The following GLRA3 variants were observed in gnomAD, a reference collection of about 807,000 sequenced individuals.
GLRA3 encodes glycine receptor subunit alpha-3.
In GLRA3, 44 loss-of-function variants were observed where a neutral mutation model predicts 60.4. That is an observed-to-expected ratio of 0.73 (90% CI 0.57 to 0.94). The LOEUF is 0.94. GLRA3 is among the 40% of genes least tolerant of loss of function. The pLI, the probability that GLRA3 is intolerant of heterozygous loss-of-function variation, is 0.00. For synonymous variants in GLRA3, 223 were observed against 192.9 expected, an observed-to-expected ratio of 1.16 and a Z score of -1.29; for missense variants, 508 against 564.6, an observed-to-expected ratio of 0.90 and a Z score of 1.02.
At chr4:174,750,445 G>A (rs538214165) in intron 3 of GLRA3, among the ~76,000 whole-genome samples, 8 of 152,062 alleles carry the variant, frequency 5.3e-5, no homozygotes, top group South Asian at 2.1e-4. Flanking sequence ...ACATAGAAAC[G>A]GATTTAATAT....
intron 5 of GLRA3, among the ~76,000 whole-genome samples, chr4:174,706,327 A>C: frequency 6.6e-6 from 1 of 152,212 alleles, no homozygotes; most frequent in Non-Finnish European, 1.5e-5. Flanking sequence ...CATTTTAGGC[A>C]GAGAGAAGAG....
At chr4:174,683,181 C>T (rs559673974) in intron 5 of GLRA3, among the ~76,000 whole-genome samples, 1 of 152,184 alleles carries the variant, frequency 6.6e-6, no homozygotes, top group Middle Eastern at 3.4e-3. Context: ...TATACCATGG[C>T]ATGTCAAAAC....
intron 4 of GLRA3, among the ~76,000 whole-genome samples, chr4:174,719,801 T>C (rs1309598728): frequency 6.6e-6 from 1 of 152,182 alleles, no homozygotes; most frequent in Non-Finnish European, 1.5e-5. Flanking sequence ...AAGAAAAACA[T>C]ACACAATTAA....
intron 3 of GLRA3, among the ~76,000 whole-genome samples, chr4:174,735,584 G>A (rs1736749887): frequency 6.6e-6 from 1 of 152,030 alleles, no homozygotes; most frequent in Non-Finnish European, 1.5e-5. Context: ...TTTTTGAGAT[G>A]GAGCATGGCT....
At chr4:174,785,979 A>T (rs12513096) in intron 2 of GLRA3, among the ~76,000 whole-genome samples, 20,615 of 138,532 alleles carry the variant, frequency 0.15, 2,015 homozygotes, top group East Asian at 0.46. Context: ...GGTGTCTCAG[A>T]GCTGGTCTCA....
intron 3 of GLRA3, among the ~76,000 whole-genome samples, chr4:174,740,338 A>C (rs1736969507): frequency 6.6e-6 from 1 of 152,126 alleles, no homozygotes; most frequent in Non-Finnish European, 1.5e-5. Flanking sequence ...GCCATGTCAG[A>C]AGTTAGAAAC....
At chr4:174,678,742 C>T (rs749305898) in intron 6 of GLRA3, among the ~76,000 whole-genome samples, 1 of 151,836 alleles carries the variant, frequency 6.6e-6, no homozygotes, top group South Asian at 2.1e-4. Context: ...ATACAAAATG[C>T]CTAAAGATTC....
At chr4:174,758,103 C>T (rs1046044777) in intron 3 of GLRA3, among the ~76,000 whole-genome samples, 4 of 152,102 alleles carry the variant, frequency 2.6e-5, no homozygotes, top group African/African-American at 7.2e-5. Context: ...GAAGTAGATG[C>T]TGGTGCCATG....
chr4:174,753,324 T>C (rs1737560236), intron 3 of GLRA3, among the ~76,000 whole-genome samples: 1 of 152,170 alleles, frequency 6.6e-6, no homozygotes, highest in Non-Finnish European at 1.5e-5. Flanking sequence ...GCTACAGTGT[T>C]AATATTAACT....
chr4:174,691,947 G>C (rs569269897), intron 5 of GLRA3, among the ~76,000 whole-genome samples: 2 of 151,820 alleles, frequency 1.3e-5, no homozygotes, highest in African/African-American at 2.4e-5. Flanking sequence ...AGGAAGTGAG[G>C]AGTGTCTCTG....
chr4:174,708,890 C>A (rs1579484369), intron 5 of GLRA3, among the ~76,000 whole-genome samples: 1 of 147,560 alleles, frequency 6.8e-6, no homozygotes, highest in East Asian at 2.0e-4. Flanking sequence ...ACTGAAAATT[C>A]AGTTTTGAGT....
chr4:174,774,380 ATG>A (rs748103701), intron 2 of GLRA3, among the ~76,000 whole-genome samples: 2 of 135,896 alleles, frequency 1.5e-5, no homozygotes, highest in African/African-American at 2.6e-5. Flanking sequence ...GTGTGTGTGT[ATG>A]TGTGTGTGTG....
At chr4:174,669,411 T>TA (rs1733818405) in intron 7 of GLRA3, among the ~76,000 whole-genome samples, 1 of 152,076 alleles carries the variant, frequency 6.6e-6, no homozygotes, top group African/African-American at 2.4e-5. Context: ...CAATGAAACT[T>TA]ACGGCCCAGG....
chr4:174,768,945 C>T (rs987906330), intron 2 of GLRA3, among the ~76,000 whole-genome samples: 11 of 151,954 alleles, frequency 7.2e-5, no homozygotes, highest in African/African-American at 2.4e-4. Flanking sequence ...GTAAGTTAGT[C>T]GGAGAACACC....
At position 174,692,281 on chromosome 4, in the gene GLRA3, C is replaced by A. The variant is rs1417555883; in HGVS notation, c.575-9342G>T. On this transcript the variant is annotated intron_variant, in intron 5 of 9. Transcript: ENST00000274093. ...GCGAGGGAGGTGGGGGGGTCAGCAC[C>A]CCACCCGGCCAGCCGCCCCGTCTGG... 4.7e-3 allele frequency among the ~76,000 whole-genome samples: 672 copies of A among 142,518 alleles called. 11 individuals carry two copies. Among genetic ancestry groups the A allele is most frequent in the Non-Finnish European group, 7.7e-3 (493 of 64,310 alleles). 93.5% of individuals were successfully genotyped at this position (142,518 alleles called of 152,430 possible).
intron 1 of GLRA3, among the ~76,000 whole-genome samples, chr4:174,822,588 T>C (rs1740783402): frequency 6.6e-6 from 1 of 152,212 alleles, no homozygotes. Flanking sequence ...TCAGAGATTC[T>C]AAAATTTAGG....
At chr4:174,660,271 C>T (rs1685668938) in intron 7 of GLRA3, among the ~76,000 whole-genome samples, 1 of 152,112 alleles carries the variant, frequency 6.6e-6, no homozygotes, top group South Asian at 2.1e-4. Flanking sequence ...TGTTTTCCAG[C>T]CCAGGATTTA....
At chr4:174,757,227 T>G (rs1737754463) in intron 3 of GLRA3, among the ~76,000 whole-genome samples, 1 of 152,054 alleles carries the variant, frequency 6.6e-6, no homozygotes, top group Non-Finnish European at 1.5e-5. Flanking sequence ...TTTGCCCATA[T>G]ATTAATTAGA....
chr4:174,796,359 G>A (rs1739567737), intron 1 of GLRA3, among the ~76,000 whole-genome samples: 1 of 152,150 alleles, frequency 6.6e-6, no homozygotes, highest in Non-Finnish European at 1.5e-5. Context: ...TGTTTTTGCA[G>A]CCTGAAAGGA....
Sources: allele counts gnomAD v4.1 joint callset (sites outside exome capture counted in the v4.1 genomes callset), GRCh38; gene constraint gnomAD v4.1.1; transcripts MANE v1.5; gene names NCBI Gene and HGNC (gene_info 2026-07-23, HGNC 2026-07-21).